STIM1: variants seen among roughly 807,000 people sequenced by gnomAD.
STIM1 encodes the protein stromal interaction molecule 1.
A neutral mutation model predicts 74.7 loss-of-function variants in STIM1; 25 were observed. That is an observed-to-expected ratio of 0.33 (90% confidence interval 0.24 to 0.47). The LOEUF is 0.47. Ranked by LOEUF, STIM1 falls within the 20% of genes least tolerant of loss-of-function variation. STIM1 has a pLI of 1.00. For missense variants in STIM1, 728 were observed against 920.8 expected, an observed-to-expected ratio of 0.79 and a Z score of 2.71; for synonymous variants, 328 against 348.8, an observed-to-expected ratio of 0.94 and a Z score of 0.66.
intron 2 of STIM1, among the ~76,000 whole-genome samples, chr11:3,990,330 T>C (rs996303188): frequency 1.3e-5 from 2 of 152,260 alleles, no homozygotes; most frequent in African/African-American, 4.8e-5. Context: ...TATAGACATC[T>C]GGTTTGTTTC....
At chr11:3,973,985 G>T in intron 2 of STIM1, 1 of 667,684 alleles carries the variant, frequency 1.5e-6, no homozygotes, top group African/African-American at 1.8e-5. Context: ...ATCTTCTCTT[G>T]ATACAGCTCT....
In STIM1 at chr11:4,059,370, A is replaced by G; in HGVS notation, c.587A>G (p.Asp196Gly). 6.2e-7 allele frequency: 1 copy of G among 1,614,092 alleles called. No homozygotes were observed. The highest frequency in any genetic ancestry group is 8.5e-7 in the Non-Finnish European group (1 of 1,179,980). Residue 196 changes from aspartate (D) to glycine (G), a missense_variant, in exon 5 of 13, where the codon GAT becomes GGT. Transcript: ENST00000526596. ...HRQKLQLKALDTVLFGPPLLT... is the reference protein window; with the variant it reads ...HRQKLQLKALGTVLFGPPLLT... ...CAGAAGCTGCAGCTGAAGGCTCTGGATACAGTGCTCTTTGGGCCTCCTCTC... is the reference window on the plus strand; with the variant it reads ...CAGAAGCTGCAGCTGAAGGCTCTGGGTACAGTGCTCTTTGGGCCTCCTCTC...
intron 5 of STIM1, among the ~76,000 whole-genome samples, chr11:4,068,897 T>C (rs757457186): frequency 7.9e-5 from 12 of 152,216 alleles, no homozygotes; most frequent in Non-Finnish European, 1.8e-4. Context: ...ACCTGGGTCC[T>C]TTTGGATTTC....
At chr11:3,970,407 C>A (rs925203429) in intron 2 of STIM1, among the ~76,000 whole-genome samples, 2 of 152,094 alleles carry the variant, frequency 1.3e-5, no homozygotes, top group Admixed American at 1.3e-4. Flanking sequence ...TAAGTCACTT[C>A]AAACATGTAT....
At chr11:3,864,477 C>G (rs1295368626) in intron 1 of STIM1, among the ~76,000 whole-genome samples, 1 of 152,092 alleles carries the variant, frequency 6.6e-6, no homozygotes, top group African/African-American at 2.4e-5. Context: ...TGGTTGTTGG[C>G]AGGCCTTGGT....
At chr11:4,086,952 T>C in intron 12 of STIM1, 1 of 1,457,424 alleles carries the variant, frequency 6.9e-7, no homozygotes, top group Non-Finnish European at 9.1e-7. Context: ...CTTGATCAAC[T>C]CTGGGGGTGT....
At chr11:3,914,072 A>G (rs2092606227) in intron 1 of STIM1, among the ~76,000 whole-genome samples, 1 of 152,150 alleles carries the variant, frequency 6.6e-6, no homozygotes, top group Non-Finnish European at 1.5e-5. Context: ...CCACTATTTT[A>G]AAACATTTTT....
At chr11:4,042,053 G>A (rs977129821) in intron 3 of STIM1, among the ~76,000 whole-genome samples, 20 of 152,176 alleles carry the variant, frequency 1.3e-4, no homozygotes, top group African/African-American at 4.8e-4. Flanking sequence ...AGTAGATGAG[G>A]GCTTCGTCTG....
chr11:3,900,434 G>T (rs767326473), intron 1 of STIM1, among the ~76,000 whole-genome samples: 1 of 152,124 alleles, frequency 6.6e-6, no homozygotes, highest in Admixed American at 6.5e-5. Context: ...ACGGTGCGCC[G>T]CACCCACTGT....
intron 1 of STIM1, among the ~76,000 whole-genome samples, chr11:3,954,846 T>C (rs908876601): frequency 6.6e-6 from 1 of 152,232 alleles, no homozygotes; most frequent in Non-Finnish European, 1.5e-5. Context: ...TGGCAGTTAC[T>C]TGAAATGTTA....
rs56009858 is a variant in STIM1 at position 4,073,048 on chromosome 11, G to GTTTTTT, written c.792-1437_792-1432dup. 1.7e-3 allele frequency among the ~76,000 whole-genome samples: 139 copies of GTTTTTT among 82,804 alleles called. 4 individuals carry two copies. Among genetic ancestry groups the GTTTTTT allele is most frequent in the African/African-American group, 4.2e-3 (100 of 23,606 alleles). 54.3% of individuals were successfully genotyped at this position (82,804 alleles called of 152,430 possible). On this transcript the variant is annotated intron_variant, in intron 6 of 12. Coordinates refer to ENST00000526596, the MANE Select transcript of STIM1 (RefSeq NM_001382567.1). ...GCCACTGATAGCTCTGGACTTAGAG[G>GTTTTTT]TTTTTTTTTTTTTTTTTTTTTTACA...
At chr11:3,872,523 CT>C (rs574634847) in intron 1 of STIM1, among the ~76,000 whole-genome samples, 40,497 of 128,834 alleles carry the variant, frequency 0.31, 5,065 homozygotes, top group South Asian at 0.41. Flanking sequence ...TTCTTTTTTT[CT>C]TTTTTTTTTT....
At chr11:3,869,334 C>T (rs2135257002) in intron 1 of STIM1, among the ~76,000 whole-genome samples, 1 of 152,320 alleles carries the variant, frequency 6.6e-6, no homozygotes, top group Admixed American at 6.5e-5. Flanking sequence ...TTAATCCTCA[C>T]ATCGGGTCTC....
chr11:4,019,499 C>T (rs116833433), intron 2 of STIM1, among the ~76,000 whole-genome samples: 1 of 151,972 alleles, frequency 6.6e-6, no homozygotes, highest in East Asian at 1.9e-4. Flanking sequence ...CATAGTGAGA[C>T]ACCGTGTGTA....
chr11:3,892,909 G>A (rs1478197057), intron 1 of STIM1: 14 of 1,319,382 alleles, frequency 1.1e-5, no homozygotes, highest in Middle Eastern at 1.8e-4. Context: ...CGGGGCTCCC[G>A]GCAGCAGCAG....
At chr11:3,972,001 A>G (rs10835407) in intron 2 of STIM1, among the ~76,000 whole-genome samples, 37,313 of 152,076 alleles carry the variant, frequency 0.25, 5,688 homozygotes, top group South Asian at 0.45. Flanking sequence ...CAAATGGTCT[A>G]CTATGTAACT....
At chr11:3,944,181 A>G (rs550969893) in intron 1 of STIM1, among the ~76,000 whole-genome samples, 138 of 152,362 alleles carry the variant, frequency 9.1e-4, no homozygotes, top group Non-Finnish European at 1.5e-3. Flanking sequence ...GCCAAATTCT[A>G]TGTCTTCTAT....
chr11:3,875,725 CAAA>C (rs55792544), intron 1 of STIM1, among the ~76,000 whole-genome samples: 4 of 137,334 alleles, frequency 2.9e-5, no homozygotes, highest in African/African-American at 1.1e-4. Context: ...GACCCTGTCT[CAAA>C]AAAAAAAAAA....
intron 2 of STIM1, among the ~76,000 whole-genome samples, chr11:4,004,106 G>A (rs2093751267): frequency 2.0e-5 from 3 of 152,266 alleles, no homozygotes; most frequent in East Asian, 3.9e-4. Context: ...CAAACAAATG[G>A]AAGAACATTC....
Sources: allele counts gnomAD v4.1 joint callset (sites outside exome capture counted in the v4.1 genomes callset), GRCh38; gene constraint gnomAD v4.1.1; transcripts MANE v1.5; gene names NCBI Gene and HGNC (gene_info 2026-07-23, HGNC 2026-07-21).